The following PALM2AKAP2 variants were observed in gnomAD, a reference collection of about 807,000 sequenced individuals.
PALM2AKAP2 encodes PALM2-AKAP2 fusion protein.
A neutral mutation model predicts 71.5 loss-of-function variants in PALM2AKAP2; 37 were observed. That is an observed-to-expected ratio of 0.52 (90% CI 0.40 to 0.68). The LOEUF is 0.68. Ranked by LOEUF, PALM2AKAP2 falls within the 30% of genes least tolerant of loss-of-function variation. The probability of loss-of-function intolerance (pLI) is 0.00; values close to 1 mark genes in which losing one functional copy is unlikely to be tolerated. For synonymous variants in PALM2AKAP2, 468 were observed against 478.8 expected (o/e 0.98, Z 0.29); for missense variants, 1,224 against 1,191.8 (o/e 1.03, Z -0.40).
At chr9:110,044,725 T>G (rs1833568856), upstream of PALM2AKAP2, among the ~76,000 whole-genome samples, 1 of 152,046 alleles carries the variant, frequency 6.6e-6, no homozygotes, top group Non-Finnish European at 1.5e-5. Flanking sequence ...TATTTAGCAC[T>G]TGTGAATTAC....
At chr9:110,079,346 A>T (rs923418200) in intron 1 of PALM2AKAP2, among the ~76,000 whole-genome samples, 1 of 152,144 alleles carries the variant, frequency 6.6e-6, no homozygotes, top group African/African-American at 2.4e-5. Flanking sequence ...AAATAAAAAA[A>T]TTAGCCAAGC....
intron 1 of PALM2AKAP2, among the ~76,000 whole-genome samples, chr9:109,835,299 GA>G (rs1408581950): frequency 8.4e-5 from 11 of 130,894 alleles, no homozygotes; most frequent in Non-Finnish European, 1.8e-4. Flanking sequence ...GAGGGTGGGG[GA>G]AAGAGGGGAG....
chr9:109,682,427 T>C (rs143137686), intron 1 of PALM2AKAP2, among the ~76,000 whole-genome samples: 169 of 152,342 alleles, frequency 1.1e-3, no homozygotes, highest in Non-Finnish European at 2.1e-4. Flanking sequence ...CATCTGTTTA[T>C]GTACATATTT....
At chr9:109,769,021 CTTTTA>C (rs201618194) in intron 1 of PALM2AKAP2, among the ~76,000 whole-genome samples, 5,000 of 152,172 alleles carry the variant, frequency 0.033, 111 homozygotes, top group Non-Finnish European at 0.052. Flanking sequence ...TCTATTCATA[CTTTTA>C]TTTAATTTAA....
At chr9:109,931,633 T>G (rs1020832172) in intron 5 of PALM2AKAP2, among the ~76,000 whole-genome samples, 3 of 152,208 alleles carry the variant, frequency 2.0e-5, no homozygotes, top group African/African-American at 7.2e-5. Context: ...TCTCTGAATC[T>G]TCCCCCCGTC....
At position 109,831,825 on chromosome 9, in the gene PALM2AKAP2, CT is replaced by C. The variant is rs368404831; in HGVS notation, c.46-35657del. 5.8e-3 allele frequency among the ~76,000 whole-genome samples: 876 copies of C among 151,118 alleles called. 15 individuals carry two copies. Among genetic ancestry groups the C allele is most frequent in the East Asian group, 0.016 (85 of 5,156 alleles). On this transcript the variant is annotated intron_variant, in intron 1 of 9. Transcript: ENST00000302798. ...ATCTTTCTGATTGCTGCATTAGTCCCTTTTTTTTTGTTTATTTTGCTTCTTA... is the reference window on the plus strand; with the variant it reads ...ATCTTTCTGATTGCTGCATTAGTCCCTTTTTTTTGTTTATTTTGCTTCTTA...
At chr9:109,938,045 A>G (rs1447091474) in intron 6 of PALM2AKAP2, among the ~76,000 whole-genome samples, 2 of 152,182 alleles carry the variant, frequency 1.3e-5, no homozygotes, top group African/African-American at 4.8e-5. Flanking sequence ...GTGAGAGGCC[A>G]TTGGTATAAA....
chr9:109,867,044 C>T (rs980776446), intron 1 of PALM2AKAP2: 2 of 456,606 alleles, frequency 4.4e-6, no homozygotes, highest in African/African-American at 4.0e-5. Context: ...AAATAAATCT[C>T]ACCCAGAATT....
chr9:110,065,218 A>G (rs1204222255), intron 1 of PALM2AKAP2, among the ~76,000 whole-genome samples: 1 of 151,974 alleles, frequency 6.6e-6, no homozygotes, highest in Non-Finnish European at 1.5e-5. Flanking sequence ...TCTGTTATTT[A>G]TTATTTATTT....
intron 1 of PALM2AKAP2, among the ~76,000 whole-genome samples, chr9:109,755,843 T>C (rs948498634): frequency 2.6e-5 from 4 of 152,118 alleles, no homozygotes; most frequent in Admixed American, 6.6e-5. Flanking sequence ...TCAAAACCCC[T>C]GGAACAGTGC....
chr9:110,044,186 A>G (rs1255493153), upstream of PALM2AKAP2, among the ~76,000 whole-genome samples: 1 of 152,036 alleles, frequency 6.6e-6, no homozygotes, highest in Non-Finnish European at 1.5e-5. Flanking sequence ...TGATCCCATG[A>G]GGATCCCCCT....
chr9:109,907,700 T>C (rs1046858343), intron 3 of PALM2AKAP2, among the ~76,000 whole-genome samples: 1 of 152,194 alleles, frequency 6.6e-6, no homozygotes, highest in Non-Finnish European at 1.5e-5. Context: ...GCAGGAACTC[T>C]TACAATAACT....
At chr9:109,817,302 T>C (rs1401618066) in intron 1 of PALM2AKAP2, among the ~76,000 whole-genome samples, 1 of 152,200 alleles carries the variant, frequency 6.6e-6, no homozygotes, top group Non-Finnish European at 1.5e-5. Context: ...TTCCCATGCA[T>C]ATGCATGATG....
At position 110,114,493 on chromosome 9, in the gene PALM2AKAP2, A is replaced by G. The variant is rs181147866; in HGVS notation, c.157-21634A>G. On this transcript the variant is annotated intron_variant, in intron 1 of 3. Transcript: ENST00000374525. ...CACTATTTGACTCACTTCAGTACTT[A>G]TTATACCCATTTAACAGATGATGAC... Among the ~76,000 whole-genome samples, 6 of 152,296 alleles carry G rather than the reference A, an allele frequency of 3.9e-5. No individual in the cohort carries two copies. The East Asian group carries it at 1.2e-3, about 29-fold the overall frequency.
At chr9:110,088,072 CAAAG>C (rs560071973) in intron 1 of PALM2AKAP2, among the ~76,000 whole-genome samples, 27 of 152,126 alleles carry the variant, frequency 1.8e-4, no homozygotes, top group South Asian at 6.2e-4. Context: ...AATGCACAAA[CAAAG>C]GAAGGAAAGA....
At chr9:110,149,971 T>C (rs565075348) in intron 2 of PALM2AKAP2, among the ~76,000 whole-genome samples, 20 of 152,304 alleles carry the variant, frequency 1.3e-4, no homozygotes, top group African/African-American at 3.8e-4. Flanking sequence ...CTGGTCTCAA[T>C]TGAGACCCCT....
upstream of PALM2AKAP2, chr9:109,780,422 T>A (rs1829422892): frequency 1.2e-6 from 2 of 1,611,872 alleles, no homozygotes; most frequent in Non-Finnish European, 1.7e-6. Context: ...GCCCATCAGT[T>A]TCCTTGGGTG....
chr9:109,743,790 A>G (rs1445335842), intron 1 of PALM2AKAP2, among the ~76,000 whole-genome samples: 1 of 152,206 alleles, frequency 6.6e-6, no homozygotes, highest in Non-Finnish European at 1.5e-5. Context: ...ACACTTTGAT[A>G]ACAGGAGACA....
intron 7 of PALM2AKAP2, among the ~76,000 whole-genome samples, chr9:110,018,624 C>T (rs1348322250): frequency 6.6e-6 from 1 of 152,210 alleles, no homozygotes; most frequent in Non-Finnish European, 1.5e-5. Context: ...AGCCTCTCCA[C>T]CCAGCCAGCA....
Sources: allele counts gnomAD v4.1 joint callset (sites outside exome capture counted in the v4.1 genomes callset), GRCh38; gene constraint gnomAD v4.1.1; transcripts MANE v1.5; gene names NCBI Gene and HGNC (gene_info 2026-07-23, HGNC 2026-07-21).